Variants in CEP55 observed in about 807,000 individuals in gnomAD.
CEP55 encodes the protein centrosomal protein 55.
In CEP55, 57 loss-of-function variants were observed where a neutral mutation model predicts 63.2. That is an observed-to-expected ratio of 0.90 (90% CI 0.73 to 1.13). CEP55 has a LOEUF of 1.13. Among genes scored for constraint, CEP55 ranks in the 50% most tolerant of loss-of-function variants. CEP55 has a pLI of 0.00. For synonymous variants in CEP55, 178 were observed against 191.6 expected, an observed-to-expected ratio of 0.93 and a Z score of 0.59; for missense variants, 456 against 518.9, an observed-to-expected ratio of 0.88 and a Z score of 1.18.
In CEP55 at chr10:93,514,920, G is replaced by A. The variant is rs189977843; in HGVS notation, c.529-485G>A. On this transcript the variant is annotated intron_variant, in intron 4 of 8. Coordinates refer to ENST00000371485, the MANE Select transcript of CEP55 (RefSeq NM_018131.5). ...CCTGAGTAGTTAGGATTACAGGCAC[G>A]CGCCACCATGCCTGGCTAATTTTTG... Among the ~76,000 whole-genome samples the A allele has an allele frequency of 1.7e-4, 26 of 152,208 alleles. No individual in the cohort carries two copies. In the East Asian group the frequency reaches 3.3e-3, roughly 19 times the overall value.
chr10:93,518,873 A>G lies in CEP55; in HGVS notation c.994-4A>G, dbSNP rs377140984. On this transcript the variant is annotated splice_polypyrimidine_tract_variant and splice_region_variant and intron_variant, in intron 6 of 8. Coordinates refer to ENST00000371485, the MANE Select transcript of CEP55 (RefSeq NM_018131.5). The stretch of plus-strand genomic sequence containing the variant: ...ACAGCATTGGTTCTCTTTATGTCCT[A>G]CAGGTCCAGTTTCTTTACACATCTC... 8 of 1,600,726 alleles carry G rather than the reference A, an allele frequency of 5.0e-6. No homozygotes were observed. The highest frequency in any genetic ancestry group is 6.8e-6 in the Non-Finnish European group (8 of 1,170,512).
chr10:93,511,792 C>T lies in CEP55; in HGVS notation c.529-3613C>T, dbSNP rs1363956712. Among the ~76,000 whole-genome samples, 3 of 151,656 alleles carry T rather than the reference C, an allele frequency of 2.0e-5. No individual in the cohort carries two copies. The South Asian group carries it at 6.2e-4, about 32-fold the overall frequency. On this transcript the variant is annotated intron_variant, in intron 4 of 8. Coordinates refer to ENST00000371485, the MANE Select transcript of CEP55 (RefSeq NM_018131.5). Reference sequence around the variant, plus strand: ...TAATGTTTTGTATTTTTAGTAGAGACGGGGTTTCACCATATTGGCCAGGCT... The same window carrying T: ...TAATGTTTTGTATTTTTAGTAGAGATGGGGTTTCACCATATTGGCCAGGCT...
At chr10:93,521,415 C>A (rs941483725) in intron 8 of CEP55, among the ~76,000 whole-genome samples, 2 of 152,166 alleles carry the variant, frequency 1.3e-5, no homozygotes, top group African/African-American at 4.8e-5. Context: ...CCCGCCATTG[C>A]TGAGGCTCGA....
chr10:93,510,071 C>T (rs981322514), intron 4 of CEP55, among the ~76,000 whole-genome samples: 10 of 152,198 alleles, frequency 6.6e-5, no homozygotes, highest in Admixed American at 5.2e-4. Flanking sequence ...CTAAAAGCTA[C>T]GTACAGCTTC....
In CEP55 at chr10:93,516,973, C is replaced by G; in HGVS notation, c.718C>G (p.Leu240Val). ...QEEKQKCYND[L>V]LASAKKDLEV... Reference sequence around the variant, plus strand: ...AGAGAAGCAGAAATGTTACAACGATCTCTTGGCAAGTGCAAAAAAAGATCT... The same window carrying G: ...AGAGAAGCAGAAATGTTACAACGATGTCTTGGCAAGTGCAAAAAAAGATCT... Residue 240 changes from leucine (L) to valine (V), a missense_variant, in exon 6 of 9, where the codon CTC becomes GTC. Physicochemically the swap from Leu to Val is conservative, Grantham distance 32 (BLOSUM62 1). Coordinates refer to ENST00000371485, the MANE Select transcript of CEP55 (RefSeq NM_018131.5). 6.3e-7 allele frequency: 1 copy of G among 1,597,650 alleles called. No individual in the cohort carries two copies.
At chr10:93,525,786 A>G (rs1409027438) in intron 8 of CEP55, among the ~76,000 whole-genome samples, 16 of 152,030 alleles carry the variant, frequency 1.1e-4, no homozygotes, top group Admixed American at 6.6e-4. Flanking sequence ...AATGCCACAC[A>G]TCTACAACTA....
chr10:93,505,156 G>A (rs1010787828), intron 3 of CEP55, among the ~76,000 whole-genome samples: 3 of 152,154 alleles, frequency 2.0e-5, no homozygotes, highest in Admixed American at 6.5e-5. Flanking sequence ...TAATTTTGTG[G>A]GCTACTCGTA....
intron 8 of CEP55, chr10:93,520,091 G>A: frequency 4.9e-6 from 2 of 411,346 alleles, no homozygotes; most frequent in Non-Finnish European, 9.0e-6. Flanking sequence ...TAGAATAGAG[G>A]GTAGTCACAG....
At chr10:93,520,031 T>TCACAGCA in intron 8 of CEP55, 1 of 550,542 alleles carries the variant, frequency 1.8e-6, no homozygotes, top group Non-Finnish European at 3.3e-6. Context: ...CTACCCCAGC[T>TCACAGCA]GCTGTGATGC....
intron 2 of CEP55, among the ~76,000 whole-genome samples, chr10:93,502,619 C>T (rs2057645737): frequency 1.3e-5 from 2 of 152,316 alleles, no homozygotes; most frequent in South Asian, 2.1e-4. Flanking sequence ...AGATTCAATA[C>T]TGAATCATTT....
At chr10:93,505,965 C>T (rs1297285941) in intron 3 of CEP55, among the ~76,000 whole-genome samples, 1 of 151,236 alleles carries the variant, frequency 6.6e-6, no homozygotes, top group Middle Eastern at 3.2e-3. Flanking sequence ...CTCCTGACCT[C>T]AGGTGATCTG....
intron 1 of CEP55, among the ~76,000 whole-genome samples, 153 bp from the exon 2 acceptor site, chr10:93,499,887 C>T (rs1368721895): frequency 6.6e-6 from 1 of 151,986 alleles, no homozygotes; most frequent in Non-Finnish European, 1.5e-5. Context: ...AAAAAAGTTA[C>T]AATACCCCAG....
intron 4 of CEP55, among the ~76,000 whole-genome samples, chr10:93,509,683 G>T (rs1407246479): frequency 6.6e-6 from 1 of 151,898 alleles, no homozygotes; most frequent in Non-Finnish European, 1.5e-5. Flanking sequence ...ACAGGGTTTC[G>T]CCATGTTGGC....
At position 93,528,040 on chromosome 10, in the gene CEP55, A is replaced by G. The variant is rs2057942033; in HGVS notation, c.1282A>G (p.Ser428Gly). The change falls in exon 9 of 9, where the codon AGT becomes GGT. Residue 428 changes from serine (S) to glycine (G), a missense_variant. Coordinates refer to ENST00000371485, the MANE Select transcript of CEP55 (RefSeq NM_018131.5). ...AGAAAAAGTTGCCGCCTCACCAAAA[A>G]GTCCCACTGCTGCACTCAATGAAAG... ...NREKVAASPKSPTAALNESLV... is the reference protein window; with the variant it reads ...NREKVAASPKGPTAALNESLV... The G allele has an allele frequency of 6.2e-7, 1 of 1,614,012 alleles. No individual in the cohort carries two copies. Among genetic ancestry groups the G allele is most frequent in the Non-Finnish European group, 8.5e-7 (1 of 1,180,016 alleles).
intron 4 of CEP55, among the ~76,000 whole-genome samples, chr10:93,512,974 A>G (rs553766797): frequency 3.4e-4 from 52 of 152,358 alleles, no homozygotes; most frequent in South Asian, 8.3e-4. Flanking sequence ...AAAAGAAAAT[A>G]CATTGAACAA....
intron 8 of CEP55, among the ~76,000 whole-genome samples, chr10:93,521,027 C>T (rs758942932): frequency 8.5e-5 from 13 of 152,210 alleles, no homozygotes; most frequent in Non-Finnish European, 1.5e-4. Context: ...CAGCTCCCAG[C>T]GTGAGCGACA....
At chr10:93,502,235 G>A (rs2057643135) in intron 2 of CEP55, among the ~76,000 whole-genome samples, 1 of 152,142 alleles carries the variant, frequency 6.6e-6, no homozygotes, top group Non-Finnish European at 1.5e-5. Flanking sequence ...AAATAGTAGT[G>A]TTACATCTAC....
In CEP55 at chr10:93,518,892, A is replaced by G; in HGVS notation, c.1009A>G (p.Thr337Ala). ...TGTCCTACAGGTCCAGTTTCTTTACACATCTCTGCTAAAGCAGCAAGAAGA... is the reference window on the plus strand; with the variant it reads ...TGTCCTACAGGTCCAGTTTCTTTACGCATCTCTGCTAAAGCAGCAAGAAGA... Reference protein sequence around the residue: ...ELLSQVQFLYTSLLKQQEEQT... With the variant: ...ELLSQVQFLYASLLKQQEEQT... The change falls in exon 7 of 9, where the codon ACA (threonine) becomes GCA (alanine). Residue 337 changes from threonine to alanine, a missense_variant. By Grantham distance (58) the Thr-to-Ala change is moderately conservative. Transcript: ENST00000371485. 1 of 1,610,502 alleles carries G rather than the reference A, an allele frequency of 6.2e-7. No homozygotes were observed. Among genetic ancestry groups the G allele is most frequent in the Non-Finnish European group, 8.5e-7 (1 of 1,177,140 alleles).
At chr10:93,499,964 G>C in intron 1 of CEP55, 76 bp from the exon 2 acceptor site, 1 of 953,352 alleles carries the variant, frequency 1.0e-6, no homozygotes, top group Non-Finnish European at 1.6e-6. Context: ...AGAGCAGATA[G>C]GTTATTAGAC....
Sources: allele counts gnomAD v4.1 joint callset (sites outside exome capture counted in the v4.1 genomes callset), GRCh38; gene constraint gnomAD v4.1.1; transcripts MANE v1.5; gene names NCBI Gene and HGNC (gene_info 2026-07-23, HGNC 2026-07-21).